Variants in ARMC2 observed in about 807,000 individuals in gnomAD.
ARMC2 encodes the protein armadillo repeat-containing protein 2.
In ARMC2, 67 loss-of-function variants were observed where a neutral mutation model predicts 90.3. That is an observed-to-expected ratio of 0.74 (90% CI 0.61 to 0.91). The LOEUF is 0.91. Ranked by LOEUF, ARMC2 falls within the 40% of genes least tolerant of loss-of-function variation. ARMC2 has a pLI of 0.00. For synonymous variants in ARMC2, 393 were observed against 393.0 expected, an observed-to-expected ratio of 1.00 and a Z score of 0.00; for missense variants, 920 against 1,030.9, an observed-to-expected ratio of 0.89 and a Z score of 1.47.
At chr6:108,901,742 A>G (rs1422053547) in intron 7 of ARMC2, among the ~76,000 whole-genome samples, 1 of 152,184 alleles carries the variant, frequency 6.6e-6, no homozygotes, top group Non-Finnish European at 1.5e-5. Flanking sequence ...AAACAAAAAC[A>G]TTCTCTTATA....
At chr6:108,988,919 C>T in the ARMC2 span, among the ~76,000 whole-genome samples, 1 of 152,168 alleles carries the variant, frequency 6.6e-6, no homozygotes, top group Non-Finnish European at 1.5e-5. Flanking sequence ...CCAAGTAAAT[C>T]ATTCCTGAAA....
chr6:108,849,266 A>C (rs542457593), intron 1 of ARMC2, among the ~76,000 whole-genome samples: 1 of 152,340 alleles, frequency 6.6e-6, no homozygotes, highest in East Asian at 1.9e-4. Flanking sequence ...TTGAAAAGCA[A>C]GCACCATTTA....
intron 5 of ARMC2, among the ~76,000 whole-genome samples, chr6:108,890,359 AAATT>A (rs1031052319): frequency 3.0e-4 from 46 of 152,252 alleles, no homozygotes; most frequent in Non-Finnish European, 8.8e-5. Context: ...AGGAAAGAGA[AAATT>A]AATCTGTTTA....
chr6:108,906,695 G>A lies in ARMC2; in HGVS notation c.1023+2290G>A, dbSNP rs1438371230. ...AATTGGGGTCTCGCTATGATGCCCA[G>A]GCTGGTCTCAGACTCCTAGCCTTGA... On this transcript the variant is annotated intron_variant, in intron 8 of 17. Transcript: ENST00000392644. 2.0e-5 allele frequency among the ~76,000 whole-genome samples: 3 copies of A among 152,260 alleles called. No individual in the cohort carries two copies. The East Asian group carries it at 5.8e-4, about 29-fold the overall frequency.
the ARMC2 span, among the ~76,000 whole-genome samples, chr6:108,985,513 T>C: frequency 2.6e-5 from 4 of 152,224 alleles, no homozygotes; most frequent in Non-Finnish European, 1.5e-5. Context: ...ACCTGCTAAA[T>C]GGAAGGCATT....
chr6:108,875,140 T>C (rs1326849464), intron 4 of ARMC2, among the ~76,000 whole-genome samples: 2 of 152,220 alleles, frequency 1.3e-5, no homozygotes, highest in Non-Finnish European at 2.9e-5. Context: ...TACAGCCTTG[T>C]AGCAGCATGG....
At chr6:108,852,821 A>T (rs566413502) in intron 1 of ARMC2, among the ~76,000 whole-genome samples, 9 of 152,346 alleles carry the variant, frequency 5.9e-5, no homozygotes, top group Non-Finnish European at 1.3e-4. Flanking sequence ...TTACTGCAAT[A>T]GGTCTTTTAG....
chr6:109,005,126 C>T, the ARMC2 span, among the ~76,000 whole-genome samples: 1 of 152,152 alleles, frequency 6.6e-6, no homozygotes, highest in Non-Finnish European at 1.5e-5. Context: ...AAAAGGATAA[C>T]CACTGCAACA....
intron 10 of ARMC2, among the ~76,000 whole-genome samples, chr6:108,915,916 C>T (rs1404557338): frequency 6.6e-6 from 1 of 152,072 alleles, no homozygotes; most frequent in East Asian, 1.9e-4. Flanking sequence ...GGGAGGAGAA[C>T]GTATCCGTGA....
chr6:108,900,747 G>A (rs1458608787), intron 7 of ARMC2, among the ~76,000 whole-genome samples: 4 of 152,248 alleles, frequency 2.6e-5, no homozygotes, highest in Non-Finnish European at 4.4e-5. Flanking sequence ...GCTGCTACTC[G>A]CCAAGCGTAT....
chr6:108,973,381 G>A lies in ARMC2; in HGVS notation c.2471G>A (p.Ser824Asn), dbSNP rs775184752. Residue 824 changes from serine to asparagine, a missense_variant, in exon 18 of 18, where the codon AGT becomes AAT. Ser to Asn is a conservative substitution (Grantham distance 46). Coordinates refer to ENST00000392644, the MANE Select transcript of ARMC2 (RefSeq NM_032131.6). ...GATGAAGAACTAGCACTGGATGGCA[G>A]TTTTGATCCAGACCTAAAAAACTAT... is the stretch of plus-strand genomic sequence containing the variant. ...FLDEELALDG[S>N]FDPDLKNYHK... 8.1e-6 allele frequency: 13 copies of A among 1,613,242 alleles called. No homozygotes were observed. The highest frequency in any genetic ancestry group is 1.0e-5 in the Non-Finnish European group (12 of 1,179,498).
intron 13 of ARMC2, among the ~76,000 whole-genome samples, chr6:108,958,476 A>G (rs1340515201): frequency 6.6e-6 from 1 of 152,222 alleles, no homozygotes; most frequent in African/African-American, 2.4e-5. Context: ...CTCTAGTTCC[A>G]GATACCAGAC....
At chr6:108,991,079 C>CAAA in the ARMC2 span, among the ~76,000 whole-genome samples, 1 of 126,966 alleles carries the variant, frequency 7.9e-6, no homozygotes, top group African/African-American at 2.6e-5. Context: ...AAAAAAACAA[C>CAAA]AACAAAAAAA....
At chr6:108,983,742 A>G in the ARMC2 span, among the ~76,000 whole-genome samples, 61 of 152,330 alleles carry the variant, frequency 4.0e-4, no homozygotes, top group African/African-American at 1.5e-3. Flanking sequence ...AAGATTCTAG[A>G]TGAATTTTGG....
the ARMC2 span, among the ~76,000 whole-genome samples, chr6:108,988,868 C>T: frequency 2.9e-3 from 443 of 152,226 alleles, 2 homozygotes; most frequent in East Asian, 0.025. Flanking sequence ...GGATAAGAAA[C>T]AGAGTACTTA....
chr6:108,866,213 A>G (rs1480489051), intron 3 of ARMC2, among the ~76,000 whole-genome samples: 1 of 152,094 alleles, frequency 6.6e-6, no homozygotes, highest in Non-Finnish European at 1.5e-5. Context: ...ATTACCCTCT[A>G]TATTTCATTT....
chr6:109,012,329 G>C, the ARMC2 span, among the ~76,000 whole-genome samples: 58 of 151,224 alleles, frequency 3.8e-4, no homozygotes, highest in Non-Finnish European at 6.3e-4. Flanking sequence ...GAAGAATCCT[G>C]ACATTTAATC....
At chr6:108,906,144 T>G (rs775862923) in intron 8 of ARMC2, among the ~76,000 whole-genome samples, 25 of 152,180 alleles carry the variant, frequency 1.6e-4, no homozygotes, top group Non-Finnish European at 2.1e-4. Context: ...AATTTTAATC[T>G]TTGTGTCAGA....
intron 13 of ARMC2, 65 bp from the exon 14 acceptor site, chr6:108,961,507 T>C: frequency 6.7e-7 from 1 of 1,499,572 alleles, no homozygotes; most frequent in South Asian, 1.3e-5. Flanking sequence ...GTTGCTGTAG[T>C]TGCAACGTAG....
Sources: allele counts gnomAD v4.1 joint callset (sites outside exome capture counted in the v4.1 genomes callset), GRCh38; gene constraint gnomAD v4.1.1; transcripts MANE v1.5; gene names NCBI Gene and HGNC (gene_info 2026-07-23, HGNC 2026-07-21).